CSMD3: variants seen among roughly 807,000 people sequenced by gnomAD.
CSMD3 encodes CUB and sushi domain-containing protein 3.
In CSMD3, 177 loss-of-function variants were observed where a neutral mutation model predicts 435.2. The observed-to-expected ratio is 0.41, with a 90% CI of 0.36 to 0.46. The LOEUF is 0.46. Among genes scored for constraint, CSMD3 ranks in the 20% least tolerant of loss-of-function variants. The pLI is 0.34. For synonymous variants in CSMD3, 1,656 were observed against 1,520.5 expected (o/e 1.09, Z -2.07); for missense variants, 4,265 against 4,504.6 (o/e 0.95, Z 1.52).
chr8:112,294,551 T>C (rs1478870335), intron 54 of CSMD3, among the ~76,000 whole-genome samples: 1 of 152,136 alleles, frequency 6.6e-6, no homozygotes, highest in African/African-American at 2.4e-5. Context: ...TTCTGAGATG[T>C]ACTAGAGTTT....
At chr8:112,869,502 T>C (rs1264652970) in intron 10 of CSMD3, among the ~76,000 whole-genome samples, 1 of 152,200 alleles carries the variant, frequency 6.6e-6, no homozygotes, top group Non-Finnish European at 1.5e-5. Flanking sequence ...TAGAATGAAA[T>C]ACCATTTGAC....
In CSMD3 at chr8:112,398,927, T is replaced by G. The variant is rs73328604; in HGVS notation, c.5809+7597A>C. On this transcript the variant is annotated intron_variant, in intron 35 of 70. Coordinates refer to ENST00000297405, the MANE Select transcript of CSMD3 (RefSeq NM_198123.2). ...ACGTTACTTGATTAAACTCTTTTTT[T>G]TTTTTTTAAGACAGAATCTCGCTCT... Among the ~76,000 whole-genome samples the G allele has an allele frequency of 3.4e-3, 513 of 152,222 alleles. 3 individuals are homozygous for G. The highest frequency in any genetic ancestry group is 0.012 in the African/African-American group (493 of 41,514).
intron 1 of CSMD3, among the ~76,000 whole-genome samples, chr8:113,354,052 A>C (rs2094206229): frequency 6.6e-6 from 1 of 152,066 alleles, no homozygotes; most frequent in Non-Finnish European, 1.5e-5. Flanking sequence ...ATATGCATAG[A>C]CTATTCTTTG....
At chr8:112,288,729 G>A (rs1254288465) in intron 57 of CSMD3, among the ~76,000 whole-genome samples, 4 of 151,754 alleles carry the variant, frequency 2.6e-5, no homozygotes, top group Non-Finnish European at 5.9e-5. Context: ...TAACTTAAAC[G>A]TTTATCTCAG....
intron 7 of CSMD3, among the ~76,000 whole-genome samples, chr8:112,975,141 T>G (rs1017437608): frequency 1.3e-5 from 2 of 151,936 alleles, no homozygotes; most frequent in Admixed American, 1.3e-4. Flanking sequence ...AGGCTTATAT[T>G]AACTGAGTAG....
intron 52 of CSMD3, among the ~76,000 whole-genome samples, chr8:112,302,711 C>A (rs1444256713): frequency 6.6e-6 from 1 of 151,832 alleles, no homozygotes; most frequent in Non-Finnish European, 1.5e-5. Context: ...GGTTTTCAGT[C>A]TTAAGTTTTA....
chr8:112,788,090 A>C (rs1424845186), intron 13 of CSMD3, among the ~76,000 whole-genome samples: 3 of 152,084 alleles, frequency 2.0e-5, no homozygotes, highest in Non-Finnish European at 4.4e-5. Context: ...CCATGTACCC[A>C]TAAAAATGAA....
chr8:113,212,871 A>G (rs1301315657), intron 3 of CSMD3, among the ~76,000 whole-genome samples: 2 of 150,414 alleles, frequency 1.3e-5, no homozygotes, highest in Non-Finnish European at 3.0e-5. Context: ...CATGCACCCT[A>G]GAACTTAAAG....
chr8:112,225,837 G>A lies in CSMD3; in HGVS notation c.10965-907C>T, dbSNP rs1812504344. 2.6e-5 allele frequency among the ~76,000 whole-genome samples: 4 copies of A among 152,246 alleles called. No homozygotes were observed. The South Asian group carries it at 8.3e-4, about 32-fold the overall frequency. On this transcript the variant is annotated intron_variant, in intron 70 of 70. Transcript: ENST00000297405. Reference sequence around the variant, plus strand: ...AATTCTGGGTTGGCTGGTAGAGGATGCTGGTCTTGAAATTCTGATTCATTT... The same window carrying A: ...AATTCTGGGTTGGCTGGTAGAGGATACTGGTCTTGAAATTCTGATTCATTT...
chr8:113,048,735 A>G (rs777747449), intron 5 of CSMD3, among the ~76,000 whole-genome samples: 83 of 152,300 alleles, frequency 5.4e-4, no homozygotes, highest in Non-Finnish European at 8.8e-4. Context: ...CAGAAAAATA[A>G]GAACCATGGT....
In CSMD3 at chr8:113,318,270, A is replaced by G. The variant is rs1191800121; in HGVS notation, c.179-3477T>C. Reference sequence around the variant, plus strand: ...ATTCTGGCAACATTAGATATTTTTGAAAGGCAAATTTTGTTTTTCATTTTT... The same window carrying G: ...ATTCTGGCAACATTAGATATTTTTGGAAGGCAAATTTTGTTTTTCATTTTT... On this transcript the variant is annotated intron_variant, in intron 1 of 70. Transcript: ENST00000297405. Among the ~76,000 whole-genome samples, 4 of 152,254 alleles carry G rather than the reference A, an allele frequency of 2.6e-5. No individual in the cohort carries two copies. The East Asian group carries it at 7.7e-4, about 29-fold the overall frequency.
At chr8:112,840,026 T>C (rs1228928380) in intron 11 of CSMD3, among the ~76,000 whole-genome samples, 1 of 151,726 alleles carries the variant, frequency 6.6e-6, no homozygotes, top group African/African-American at 2.4e-5. Flanking sequence ...GAGTAGTGAA[T>C]CTTTATCAGT....
At chr8:113,423,945 A>C (rs1258811362) in intron 1 of CSMD3, among the ~76,000 whole-genome samples, 1 of 151,874 alleles carries the variant, frequency 6.6e-6, no homozygotes, top group East Asian at 1.9e-4. Flanking sequence ...ATTAACAGTC[A>C]AGATTTTGAG....
At chr8:112,249,237 T>G (rs1052457277) in intron 63 of CSMD3, among the ~76,000 whole-genome samples, 2 of 151,990 alleles carry the variant, frequency 1.3e-5, no homozygotes, top group African/African-American at 4.8e-5. Context: ...TCTAAATCCT[T>G]TTCAAAGTAT....
intron 3 of CSMD3, among the ~76,000 whole-genome samples, chr8:113,206,597 C>G (rs1482701208): frequency 6.6e-6 from 1 of 152,032 alleles, no homozygotes; most frequent in Non-Finnish European, 1.5e-5. Flanking sequence ...ATGTTAATTG[C>G]CTAGTTTTTA....
intron 1 of CSMD3, among the ~76,000 whole-genome samples, chr8:113,426,512 A>G (rs936149002): frequency 6.6e-6 from 1 of 151,362 alleles, no homozygotes; most frequent in African/African-American, 2.4e-5. Context: ...AGATTAAAAA[A>G]ACAAAACAGC....
chr8:113,398,605 T>C (rs906824501), intron 1 of CSMD3, among the ~76,000 whole-genome samples: 1 of 152,154 alleles, frequency 6.6e-6, no homozygotes, highest in Non-Finnish European at 1.5e-5. Context: ...TTTCCACTAA[T>C]GTTATTTTCA....
At chr8:113,362,801 T>C (rs2094286054) in intron 1 of CSMD3, among the ~76,000 whole-genome samples, 1 of 152,210 alleles carries the variant, frequency 6.6e-6, no homozygotes, top group South Asian at 2.1e-4. Flanking sequence ...AACTGGATTT[T>C]CATAAGAACT....
chr8:112,525,637 C>T (rs372367754), intron 27 of CSMD3, among the ~76,000 whole-genome samples: 23 of 148,748 alleles, frequency 1.5e-4, no homozygotes, highest in Non-Finnish European at 2.5e-4. Context: ...AGGAGAATGG[C>T]GTGAACCCAG....
Sources: allele counts gnomAD v4.1 joint callset (sites outside exome capture counted in the v4.1 genomes callset), GRCh38; gene constraint gnomAD v4.1.1; transcripts MANE v1.5; gene names NCBI Gene and HGNC (gene_info 2026-07-23, HGNC 2026-07-21).